Variants in LRRC49 observed in about 807,000 individuals in gnomAD.
LRRC49 encodes the protein leucine rich repeat containing 49, also known as leucine-rich repeat-containing protein 49.
A neutral mutation model predicts 83.3 loss-of-function variants in LRRC49; 50 were observed. The ratio of observed to expected loss-of-function variants is 0.60; its 90% CI spans 0.48 to 0.76. The LOEUF (loss-of-function observed/expected upper bound fraction) is 0.76. LRRC49 is among the 30% of genes least tolerant of loss of function. The probability of loss-of-function intolerance (pLI) is 0.00; values close to 1 mark genes in which losing one functional copy is unlikely to be tolerated. For synonymous variants in LRRC49, 286 were observed against 283.3 expected, an observed-to-expected ratio of 1.01 and a Z score of -0.10; for missense variants, 704 against 809.1, an observed-to-expected ratio of 0.87 and a Z score of 1.58.
intron 7 of LRRC49, among the ~76,000 whole-genome samples, chr15:70,926,493 G>C (rs993240290): frequency 1.3e-5 from 2 of 152,100 alleles, no homozygotes; most frequent in African/African-American, 4.8e-5. Flanking sequence ...AAATTTATTA[G>C]AAACTACCAG....
chr15:71,013,927 T>A (rs1465087527), intron 14 of LRRC49, among the ~76,000 whole-genome samples: 2 of 152,144 alleles, frequency 1.3e-5, no homozygotes. Flanking sequence ...CCGCTTTAGC[T>A]GCGCTGAGGA....
At chr15:70,898,132 C>T (rs956929163) in intron 3 of LRRC49, among the ~76,000 whole-genome samples, 6 of 152,152 alleles carry the variant, frequency 3.9e-5, no homozygotes, top group African/African-American at 1.4e-4. Context: ...ATCCATGCAT[C>T]CATCTCTTCA....
chr15:70,855,091 T>G (rs2032619660), intron 1 of LRRC49, among the ~76,000 whole-genome samples: 1 of 152,060 alleles, frequency 6.6e-6, no homozygotes, highest in African/African-American at 2.4e-5. Flanking sequence ...CTCAGCACTT[T>G]GGGAGGCCCA....
chr15:70,860,105 G>T (rs2032751586), intron 1 of LRRC49: 2 of 713,150 alleles, frequency 2.8e-6, no homozygotes, highest in South Asian at 3.1e-5. Flanking sequence ...GGTTGAAGAA[G>T]ATTGAGACCC....
chr15:70,885,389 C>T (rs1018923989), intron 2 of LRRC49, among the ~76,000 whole-genome samples: 1 of 152,056 alleles, frequency 6.6e-6, no homozygotes, highest in African/African-American at 2.4e-5. Flanking sequence ...TACTATAAAC[C>T]CTTTCTATTT....
intron 1 of LRRC49, among the ~76,000 whole-genome samples, chr15:70,870,615 C>G (rs945670587): frequency 2.6e-5 from 4 of 152,144 alleles, no homozygotes; most frequent in Admixed American, 2.0e-4. Flanking sequence ...CTCAGCCTCC[C>G]GAGTAGCTGG....
At chr15:71,044,626 A>G (rs1480029576) in intron 15 of LRRC49, among the ~76,000 whole-genome samples, 4 of 151,844 alleles carry the variant, frequency 2.6e-5, no homozygotes, top group African/African-American at 9.7e-5. Flanking sequence ...ACATCTTTAC[A>G]AAAAATAAAA....
chr15:70,977,265 T>C (rs1030609360), intron 9 of LRRC49, among the ~76,000 whole-genome samples: 2 of 152,224 alleles, frequency 1.3e-5, no homozygotes, highest in Non-Finnish European at 2.9e-5. Context: ...ACCAGATATT[T>C]TGTGAAGCTA....
At chr15:70,879,528 GT>G (rs1445138774) in intron 2 of LRRC49, among the ~76,000 whole-genome samples, 2 of 152,212 alleles carry the variant, frequency 1.3e-5, no homozygotes, top group African/African-American at 4.8e-5. Flanking sequence ...CATTTCCACT[GT>G]GATGAGTAGC....
chr15:70,860,692 G>A lies in LRRC49; in HGVS notation c.-299+7223G>A, dbSNP rs560760555. Among the ~76,000 whole-genome samples, 3 of 152,312 alleles carry A rather than the reference G, an allele frequency of 2.0e-5. No individual in the cohort carries two copies. In the East Asian group the frequency reaches 5.8e-4, roughly 29 times the overall value. ...ATATGGCATTGCACTCTGCCCTATA[G>A]TTTATTTCTAACTTCAATATGAATT... On this transcript the variant is annotated intron_variant, in intron 1 of 16. Coordinates refer to the LRRC49 transcript ENST00000544974.
Position 70,901,003 on chromosome 15 carries a change from C to A in LRRC49, c.275C>A (p.Ser92Ter). The A allele has an allele frequency of 6.2e-7, 1 of 1,608,704 alleles. No individual in the cohort carries two copies. The highest frequency in any genetic ancestry group is 1.1e-5 in the South Asian group (1 of 90,394). The change falls in exon 4 of 16, where the codon TCA becomes TAA. Residue 92 changes from serine (S) to a stop codon, truncating the protein, a stop_gained. Transcript: ENST00000260382. LOFTEE classifies it high-confidence loss of function. ...TCTTCTGAAGAGAAAATTCTTTACT[C>A]AGACAGGTTGAGCCTAGAAAGGTGA... ...QRSSEEKILY[S>*]DRLSLERQKL... is the part of the protein sequence containing the mutation.
intron 1 of LRRC49, among the ~76,000 whole-genome samples, chr15:70,862,314 C>G (rs1595965580): frequency 6.6e-6 from 1 of 151,992 alleles, no homozygotes; most frequent in Admixed American, 6.6e-5. Context: ...CGCGGTGGCT[C>G]ACGCCTGTAA....
rs1476659410 is a variant in LRRC49 at position 70,868,026 on chromosome 15, C to A, written c.-298-4882C>A. ...TTGAGAGCAGAGTGTTTTTCCTTCT[C>A]TTTGGCTTGATTGTCTTTCACCCTT... On this transcript the variant is annotated intron_variant, in intron 1 of 16. Transcript: ENST00000544974. Among the ~76,000 whole-genome samples, 3 of 142,126 alleles carry A rather than the reference C, an allele frequency of 2.1e-5. No individual in the cohort carries two copies. In the East Asian group the frequency reaches 6.4e-4, roughly 30 times the overall value. The allele number at this position is 142,126 out of a possible 152,430, so 93.2% of individuals were successfully genotyped here. A position where few individuals can be genotyped will look rare whatever the true frequency, so the allele number is the denominator to read the frequency against.
chr15:70,878,433 C>A (rs1367253274), intron 2 of LRRC49, among the ~76,000 whole-genome samples: 1 of 152,110 alleles, frequency 6.6e-6, no homozygotes, highest in Non-Finnish European at 1.5e-5. Flanking sequence ...TTCCTTTTTG[C>A]CTTCTTTCCT....
intron 9 of LRRC49, 60 bp from the exon 10 acceptor site, chr15:70,980,041 A>T (rs2037343167): frequency 9.7e-7 from 1 of 1,030,504 alleles, no homozygotes; most frequent in African/African-American, 1.6e-5. Flanking sequence ...AGGACCAATG[A>T]TATTTAGCAT....
intron 9 of LRRC49, among the ~76,000 whole-genome samples, chr15:70,969,436 A>G (rs28829734): frequency 0.028 from 4,315 of 151,584 alleles, 213 homozygotes; most frequent in African/African-American, 0.099. Context: ...AGCTTTGTTC[A>G]TTTTCTTAGG....
intron 11 of LRRC49, among the ~76,000 whole-genome samples, chr15:70,986,637 G>A (rs1294582366): frequency 8.4e-6 from 1 of 119,272 alleles, no homozygotes; most frequent in Non-Finnish European, 1.9e-5. Flanking sequence ...TCCTTCTCCT[G>A]CCTAATTGCC....
At chr15:71,017,648 A>G (rs1001497982) in intron 14 of LRRC49, among the ~76,000 whole-genome samples, 2 of 152,334 alleles carry the variant, frequency 1.3e-5, no homozygotes, top group East Asian at 3.9e-4. Flanking sequence ...CTTAAATTAA[A>G]ATAATGCGAT....
intron 15 of LRRC49, among the ~76,000 whole-genome samples, chr15:71,037,600 GCAAAAAT>G (rs903572635): frequency 6.6e-6 from 1 of 152,010 alleles, no homozygotes; most frequent in Non-Finnish European, 1.5e-5. Context: ...TAAATCTGTA[GCAAAAAT>G]CTAGTCCAAA....
Sources: allele counts gnomAD v4.1 joint callset (sites outside exome capture counted in the v4.1 genomes callset), GRCh38; gene constraint gnomAD v4.1.1; transcripts MANE v1.5; gene names NCBI Gene and HGNC (gene_info 2026-07-23, HGNC 2026-07-21).